NFIA: variants seen among roughly 807,000 people sequenced by gnomAD.
The protein encoded by NFIA is nuclear factor 1 A-type.
Under a neutral mutation model 62.8 loss-of-function variants are expected in NFIA, and 8 were observed. The observed-to-expected ratio is 0.13, with a 90% CI of 0.07 to 0.23. The LOEUF is 0.23. Ranked by LOEUF, NFIA falls within the 10% of genes least tolerant of loss-of-function variation. NFIA has a pLI of 1.00. For synonymous variants in NFIA, 235 were observed against 238.1 expected (o/e 0.99, Z 0.12); for missense variants, 410 against 642.1 (o/e 0.64, Z 3.91).
chr1:61,160,482 A>G (rs1043085379), intron 2 of NFIA, among the ~76,000 whole-genome samples: 1 of 152,218 alleles, frequency 6.6e-6, no homozygotes, highest in African/African-American at 2.4e-5. Flanking sequence ...GGTTCAGCCA[A>G]CAGAGAGCCT....
rs1032384312 is a variant in NFIA at position 61,197,441 on chromosome 1, G to A, written c.560-80079G>A. Among the ~76,000 whole-genome samples the A allele has an allele frequency of 7.3e-5, 11 of 151,228 alleles. No individual in the cohort carries two copies. In the South Asian group the frequency reaches 1.7e-3, roughly 23 times the overall value. ...TTTAGTAGAGATGGGATTTCACTGA[G>A]TTGGCCAGGCTGGTTTCGAACTCCT... On this transcript the variant is annotated intron_variant, in intron 2 of 10. Coordinates refer to ENST00000403491, the MANE Select transcript of NFIA (RefSeq NM_001134673.4).
intron 3 of NFIA, among the ~76,000 whole-genome samples, chr1:61,312,043 G>A (rs1289660017): frequency 6.6e-6 from 1 of 152,200 alleles, no homozygotes; most frequent in South Asian, 2.1e-4. Flanking sequence ...GCTGGAGACT[G>A]TGTTATTTCA....
chr1:61,398,330 A>G (rs1345822863), intron 7 of NFIA, among the ~76,000 whole-genome samples: 2 of 152,142 alleles, frequency 1.3e-5, no homozygotes, highest in Non-Finnish European at 2.9e-5. Flanking sequence ...AAGTAGCTAA[A>G]ATTGATCTAG....
At chr1:61,391,399 C>G (rs1179052516) in intron 7 of NFIA, among the ~76,000 whole-genome samples, 2 of 144,668 alleles carry the variant, frequency 1.4e-5, no homozygotes, top group Admixed American at 1.4e-4. Flanking sequence ...ATACAAAATG[C>G]GAACACAAGG....
intron 2 of NFIA, among the ~76,000 whole-genome samples, chr1:61,102,947 CTT>C (rs1646537386): frequency 1.3e-5 from 2 of 152,156 alleles, no homozygotes; most frequent in Non-Finnish European, 2.9e-5. Context: ...ACTTAGGAAA[CTT>C]AGTGCTGTGG....
chr1:61,114,903 T>TG (rs1646770711), intron 2 of NFIA, among the ~76,000 whole-genome samples: 1 of 152,208 alleles, frequency 6.6e-6, no homozygotes, highest in Non-Finnish European at 1.5e-5. Context: ...GACAGGAAGC[T>TG]GGAATACACT....
At chr1:61,188,919 C>T (rs1186463358) in intron 2 of NFIA, among the ~76,000 whole-genome samples, 2 of 152,114 alleles carry the variant, frequency 1.3e-5, no homozygotes, top group African/African-American at 4.8e-5. Flanking sequence ...TAAGTGCTTC[C>T]TTGTCTGTAA....
intron 2 of NFIA, among the ~76,000 whole-genome samples, chr1:61,140,812 A>G (rs1272273327): frequency 6.6e-6 from 1 of 152,088 alleles, no homozygotes; most frequent in Non-Finnish European, 1.5e-5. Context: ...TTAGGATTAG[A>G]AACTTCATTA....
At chr1:61,218,245 A>G (rs889744913) in intron 2 of NFIA, among the ~76,000 whole-genome samples, 3 of 152,206 alleles carry the variant, frequency 2.0e-5, no homozygotes, top group African/African-American at 7.2e-5. Context: ...ATATGTTACA[A>G]TTGTAAGAGA....
Position 61,432,219 on chromosome 1 carries a change from ATTTTT to A in NFIA, c.1512+5676_1512+5680del, listed in dbSNP as rs10719480. 7.0e-5 allele frequency among the ~76,000 whole-genome samples: 9 copies of A among 129,032 alleles called. No homozygotes were observed. The East Asian group carries it at 2.1e-3, about 30-fold the overall frequency. The allele number at this position is 129,032 out of a possible 152,430, so 84.7% of individuals were successfully genotyped here. ...ATATGGTTCTTGTACACTTTTCCCT[ATTTTT>A]TTTTTTTTTTTTGCCAATCAGATGG... On this transcript the variant is annotated intron_variant, in intron 10 of 10. Transcript: ENST00000403491.
chr1:61,132,700 G>T (rs1647102459), intron 2 of NFIA: 1 of 152,206 alleles, frequency 6.6e-6, no homozygotes, highest in Non-Finnish European at 1.5e-5. Context: ...TTCAGGAGGA[G>T]TTGGAAGATG....
intron 7 of NFIA, among the ~76,000 whole-genome samples, chr1:61,386,463 G>T (rs986084854): frequency 2.6e-5 from 4 of 152,160 alleles, no homozygotes; most frequent in African/African-American, 9.7e-5. Context: ...CTGCTCTCTG[G>T]TTAGCACTAG....
upstream of NFIA, chr1:61,082,518 C>T (rs1404977887): frequency 2.3e-6 from 3 of 1,303,800 alleles, no homozygotes; most frequent in Non-Finnish European, 2.9e-6. Context: ...TTAACACCCG[C>T]GTACAGTAGG....
chr1:61,391,552 T>C (rs1244417717), intron 7 of NFIA, among the ~76,000 whole-genome samples: 1 of 152,062 alleles, frequency 6.6e-6, no homozygotes, highest in Non-Finnish European at 1.5e-5. Context: ...CAGCCTAATA[T>C]ATGTTTGGTT....
intron 2 of NFIA, among the ~76,000 whole-genome samples, chr1:61,185,534 A>G (rs761696859): frequency 1.1e-4 from 17 of 151,938 alleles, no homozygotes; most frequent in African/African-American, 2.4e-4. Context: ...AGAACCTCCA[A>G]TGTTTTCTTA....
At chr1:61,324,731 T>G (rs1327291194) in intron 3 of NFIA, among the ~76,000 whole-genome samples, 1 of 152,210 alleles carries the variant, frequency 6.6e-6, no homozygotes, top group Non-Finnish European at 1.5e-5. Flanking sequence ...GATGTTCAGT[T>G]CCTCCATGAA....
intron 2 of NFIA, among the ~76,000 whole-genome samples, chr1:61,274,672 T>C (rs75754738): frequency 4.4e-4 from 67 of 152,358 alleles, no homozygotes; most frequent in African/African-American, 1.5e-3. Flanking sequence ...CAGGTGTCTA[T>C]GGAGTATATA....
chr1:61,399,594 A>C (rs1390634240), intron 7 of NFIA, among the ~76,000 whole-genome samples: 20 of 152,212 alleles, frequency 1.3e-4, no homozygotes, highest in Admixed American at 1.3e-3. Context: ...AATGTGTGAG[A>C]GTTATTAGAG....
intron 1 of NFIA, among the ~76,000 whole-genome samples, chr1:61,084,566 A>G (rs897501986): frequency 2.0e-5 from 3 of 152,228 alleles, no homozygotes; most frequent in African/African-American, 7.2e-5. Context: ...ATTTGAATGA[A>G]TTACGGACTA....
Sources: allele counts gnomAD v4.1 joint callset (sites outside exome capture counted in the v4.1 genomes callset), GRCh38; gene constraint gnomAD v4.1.1; transcripts MANE v1.5; gene names NCBI Gene and HGNC (gene_info 2026-07-23, HGNC 2026-07-21).